Variants in CLSTN1 observed in about 807,000 individuals in gnomAD.
CLSTN1 encodes the protein calsyntenin-1.
A neutral mutation model predicts 108.3 loss-of-function variants in CLSTN1; 28 were observed. The observed-to-expected ratio is 0.26, with a 90% CI of 0.19 to 0.35. The LOEUF (loss-of-function observed/expected upper bound fraction) is 0.35, where lower values mean the gene tolerates loss of function less well. Ranked by LOEUF, CLSTN1 falls within the 10% of genes least tolerant of loss-of-function variation. The pLI, the probability that CLSTN1 is intolerant of heterozygous loss-of-function variation, is 1.00. For missense variants in CLSTN1, 1,157 were observed against 1,302.6 expected (o/e 0.89, Z 1.72); for synonymous variants, 524 against 534.9 (o/e 0.98, Z 0.28).
Position 9,730,250 on chromosome 1 carries a change from G to A in CLSTN1, c.*258C>T, listed in dbSNP as rs1000403944. On this transcript the variant is annotated 3_prime_UTR_variant, in exon 19 of 19. Transcript: ENST00000377298. This position sits in a 1 kb window ranked among gnomAD's most constrained non-coding sequence, Gnocchi z 5.6. The stretch of plus-strand genomic sequence containing the variant: ...CAGACACAAACGCGGGGCCTGAGGC[G>A]CTGGGAGGCCCCTGTGCGAGCCGGA... 2.0e-5 allele frequency: 11 copies of A among 558,588 alleles called. No homozygotes were observed. The highest frequency in any genetic ancestry group is 6.0e-5 in the East Asian group (2 of 33,314). 34.6% of individuals were successfully genotyped at this position (558,588 alleles called of 1,614,324 possible).
rs1467760289 is a variant in CLSTN1, at chr1:9,813,498, C to T, written c.91+10145G>A. 2.6e-5 allele frequency among the ~76,000 whole-genome samples: 3 copies of T among 114,390 alleles called. No individual in the cohort carries two copies. The South Asian group carries it at 7.9e-4, about 30-fold the overall frequency. The allele number at this position is 114,390 out of a possible 152,430, so 75.0% of individuals were successfully genotyped here. On this transcript the variant is annotated intron_variant, in intron 1 of 18. Coordinates refer to ENST00000377298, the MANE Select transcript of CLSTN1 (RefSeq NM_001009566.3). ...TGGGCAATACAGCAAGACTCTGTCTCAAAAAAAAAAAAAAGAAAGAAAGAA... is the reference window on the plus strand; with the variant it reads ...TGGGCAATACAGCAAGACTCTGTCTTAAAAAAAAAAAAAAGAAAGAAAGAA...
chr1:9,777,117 GGCTGAGGCAGGAGAATT>G (rs1295688680), intron 1 of CLSTN1, among the ~76,000 whole-genome samples: 6 of 151,654 alleles, frequency 4.0e-5, no homozygotes, highest in Non-Finnish European at 8.8e-5. Flanking sequence ...CTTCTCGGGC[GGCTGAGGCAGGAGAATT>G]GCTTGAACCT....
chr1:9,735,768 C>T, intron 12 of CLSTN1, 117 bp downstream of exon 12: 2 of 1,506,124 alleles, frequency 1.3e-6, no homozygotes, highest in Non-Finnish European at 1.8e-6. Flanking sequence ...GAACACAACT[C>T]TTTTACCCAA....
At position 9,750,404 on chromosome 1, in the gene CLSTN1, C is replaced by A. The variant is rs377734420; in HGVS notation, c.650-491G>T. Reference sequence around the variant, plus strand: ...CATAATTCCATCAAAGATTCTAGACCGTGCATTGATTAACAATGGAAACAC... The same window carrying A: ...CATAATTCCATCAAAGATTCTAGACAGTGCATTGATTAACAATGGAAACAC... On this transcript the variant is annotated intron_variant, in intron 5 of 18. Transcript: ENST00000377298. 1.3e-4 allele frequency among the ~76,000 whole-genome samples: 20 copies of A among 152,212 alleles called. No homozygotes were observed. The East Asian group carries it at 1.5e-3, about 12-fold the overall frequency.
In CLSTN1 at chr1:9,782,988, C is replaced by T. The variant is rs898864870; in HGVS notation, c.92-9594G>A. On this transcript the variant is annotated intron_variant, in intron 1 of 18. Coordinates refer to ENST00000377298, the MANE Select transcript of CLSTN1 (RefSeq NM_001009566.3). Reference sequence around the variant, plus strand: ...CGCCATCGCACTCCAGCCTGGGTGACAGAGCGAGACTCCATCTCAAAAAGA... The same window carrying T: ...CGCCATCGCACTCCAGCCTGGGTGATAGAGCGAGACTCCATCTCAAAAAGA... 3.3e-5 allele frequency among the ~76,000 whole-genome samples: 5 copies of T among 152,296 alleles called. No individual in the cohort carries two copies. The East Asian group carries it at 9.6e-4, about 29-fold the overall frequency.
At chr1:9,815,693 T>G (rs1244151700) in intron 1 of CLSTN1, among the ~76,000 whole-genome samples, 3 of 152,186 alleles carry the variant, frequency 2.0e-5, no homozygotes, top group Non-Finnish European at 4.4e-5. Flanking sequence ...CCCGGCACTT[T>G]GGAAGGCCAA....
At chr1:9,768,555 C>T (rs4845974) in intron 2 of CLSTN1, among the ~76,000 whole-genome samples, 262 of 16,542 alleles carry the variant, frequency 0.016, no homozygotes, top group Middle Eastern at 0.091. Context: ...GGGTTCTGTG[C>T]TGGGTGGCAC....
chr1:9,731,464 T>C, intron 17 of CLSTN1, 74 bp from the exon 18 acceptor site: 1 of 1,490,432 alleles, frequency 6.7e-7, no homozygotes, highest in Non-Finnish European at 9.2e-7. Flanking sequence ...CCTCCTCGGC[T>C]GTGCCTGGTC....
At chr1:9,762,706 C>T (rs1265123713) in intron 2 of CLSTN1, among the ~76,000 whole-genome samples, 2 of 151,298 alleles carry the variant, frequency 1.3e-5, no homozygotes, top group Non-Finnish European at 2.9e-5. Flanking sequence ...CTCCCCGCTG[C>T]ACTCGGCCTT....
chr1:9,803,015 G>A (rs1654352742), intron 1 of CLSTN1, among the ~76,000 whole-genome samples: 1 of 151,966 alleles, frequency 6.6e-6, no homozygotes, highest in South Asian at 2.1e-4. Context: ...GTAGAGACAA[G>A]GTTTCGCTAT....
At chr1:9,785,340 T>G (rs1375361348) in intron 1 of CLSTN1, among the ~76,000 whole-genome samples, 1 of 152,152 alleles carries the variant, frequency 6.6e-6, no homozygotes, top group Non-Finnish European at 1.5e-5. Flanking sequence ...TCTTATTTTT[T>G]TTTTTCCAAA....
chr1:9,774,424 G>C (rs186948131), intron 1 of CLSTN1, among the ~76,000 whole-genome samples: 1 of 152,002 alleles, frequency 6.6e-6, no homozygotes, highest in Non-Finnish European at 1.5e-5. Flanking sequence ...AAATGAGCCA[G>C]GTGTGGTGGC....
intron 2 of CLSTN1, among the ~76,000 whole-genome samples, chr1:9,769,075 A>T (rs1477712978): frequency 7.3e-6 from 1 of 136,120 alleles, no homozygotes; most frequent in Non-Finnish European, 1.6e-5. Flanking sequence ...GGGAGAGAGG[A>T]AGGAAAGGAC....
At position 9,788,825 on chromosome 1, in the gene CLSTN1, G is replaced by A. The variant is rs1293800050; in HGVS notation, c.92-15431C>T. On this transcript the variant is annotated intron_variant, in intron 1 of 18. Transcript: ENST00000377298. ...GGAGCTTGCAGTGAGCCAAGATCACGCCACTGCACTCCAAGCTGGGCGACA... is the reference window on the plus strand; with the variant it reads ...GGAGCTTGCAGTGAGCCAAGATCACACCACTGCACTCCAAGCTGGGCGACA... Among the ~76,000 whole-genome samples, 4 of 137,402 alleles carry A rather than the reference G, an allele frequency of 2.9e-5. 1 individual carries two copies. The highest frequency in any genetic ancestry group is 2.5e-4 in the South Asian group (1 of 3,994). 90.1% of individuals were successfully genotyped at this position (137,402 alleles called of 152,430 possible). A position where few individuals can be genotyped will look rare whatever the true frequency, so the allele number is the denominator to read the frequency against.
rs574205829 is a variant in CLSTN1 at position 9,734,821 on chromosome 1, G to C, written c.2110+127C>G. ...CGGGTCAGATTCCAGAAGCACACCC[G>C]AGAGAACACCAACGAAAGATTAAAA... On this transcript the variant is annotated intron_variant, in intron 14 of 18. Coordinates refer to ENST00000377298, the MANE Select transcript of CLSTN1 (RefSeq NM_001009566.3). The surrounding 1 kb of genome is among the most constrained non-coding windows in gnomAD (Gnocchi z 4.8). The C allele has an allele frequency of 2.4e-5, 18 of 757,352 alleles. No individual in the cohort carries two copies. In the Admixed American group the frequency reaches 2.5e-4, roughly 11 times the overall value. The allele number at this position is 757,352 out of a possible 1,614,324, so 46.9% of individuals were successfully genotyped here.
At chr1:9,790,547 T>C (rs891319929) in intron 1 of CLSTN1, among the ~76,000 whole-genome samples, 4 of 151,538 alleles carry the variant, frequency 2.6e-5, no homozygotes, top group Admixed American at 6.7e-5. Flanking sequence ...ACTTTTTAAA[T>C]GTTTTGTTGA....
At chr1:9,759,929 T>A (rs984199695) in intron 2 of CLSTN1, among the ~76,000 whole-genome samples, 3 of 152,244 alleles carry the variant, frequency 2.0e-5, no homozygotes, top group African/African-American at 4.8e-5. Context: ...TTAATTTGGA[T>A]AAAACTTCTC....
intron 2 of CLSTN1, among the ~76,000 whole-genome samples, chr1:9,767,688 AT>A (rs1652413536): frequency 6.6e-6 from 1 of 152,170 alleles, no homozygotes; most frequent in South Asian, 2.1e-4. Context: ...ATGGTGCGAA[AT>A]TAAACTCAAT....
chr1:9,755,205 C>A lies in CLSTN1; in HGVS notation c.349G>T (p.Asp117Tyr), dbSNP rs775295993. ...GAATAGTCTTTCTGCAGCTCACAGT[C>A]CAGTTTCTCTTTGGAGCGAATGACT... ...EGVIRSKEKL[D>Y]CELQKDYSFT... Residue 117 changes from aspartate to tyrosine, a missense_variant, in exon 4 of 19, where the codon GAC (aspartate) becomes TAC (tyrosine). Transcript: ENST00000377298. 2 of 1,614,124 alleles carry A rather than the reference C, an allele frequency of 1.2e-6. No homozygotes were observed. Among genetic ancestry groups the A allele is most frequent in the Middle Eastern group, 1.6e-4 (1 of 6,062 alleles).
Sources: gnomAD v4.1 joint callset for allele counts (sites outside exome capture counted in the v4.1 genomes callset) on GRCh38, gnomAD v4.1.1 for gene constraint, Gnocchi (gnomAD v3.1) non-coding constraint, MANE v1.5 for transcripts, NCBI Gene and HGNC (gene_info 2026-07-23, HGNC 2026-07-21) for gene names.